The following EIF3H variants were observed in gnomAD, a reference collection of about 807,000 sequenced individuals.
The protein encoded by EIF3H is eukaryotic translation initiation factor 3 subunit H.
In EIF3H, 26 loss-of-function variants were observed where a neutral mutation model predicts 44.2. The ratio of observed to expected loss-of-function variants is 0.59; its 90% confidence interval spans 0.43 to 0.82. The LOEUF is 0.82. Among genes scored for constraint, EIF3H ranks in the 40% least tolerant of loss-of-function variants. EIF3H has a pLI of 0.00. For synonymous variants in EIF3H, 166 were observed against 151.9 expected (o/e 1.09, Z -0.68); for missense variants, 359 against 432.8 (o/e 0.83, Z 1.51).
At chr8:116,680,913 G>A (rs1813976974) in intron 2 of EIF3H, among the ~76,000 whole-genome samples, 1 of 151,554 alleles carries the variant, frequency 6.6e-6, no homozygotes, top group African/African-American at 2.4e-5. Flanking sequence ...GCATGTCTGG[G>A]TGCTCTGTTG....
intron 1 of EIF3H, among the ~76,000 whole-genome samples, chr8:116,736,958 G>C (rs1397395623): frequency 1.3e-5 from 2 of 152,140 alleles, no homozygotes; most frequent in African/African-American, 4.8e-5. Flanking sequence ...AAAGTATACT[G>C]CTTAGAATTT....
intron 2 of EIF3H, among the ~76,000 whole-genome samples, chr8:116,667,818 T>C (rs1239806775): frequency 6.6e-6 from 1 of 152,196 alleles, no homozygotes; most frequent in Non-Finnish European, 1.5e-5. Context: ...TTCAATAAGG[T>C]TGCCCAATGA....
At chr8:116,665,988 T>G (rs1299920047) in intron 2 of EIF3H, among the ~76,000 whole-genome samples, 2 of 152,194 alleles carry the variant, frequency 1.3e-5, no homozygotes, top group Non-Finnish European at 2.9e-5. Context: ...GTACCACATA[T>G]TCCTCTCGTT....
chr8:116,737,262 C>T (rs1409002048), intron 1 of EIF3H: 1 of 448,814 alleles, frequency 2.2e-6, no homozygotes, highest in Non-Finnish European at 4.4e-6. Flanking sequence ...GCAATATTTT[C>T]TATCTACGTA....
chr8:116,741,760 A>G (rs535631011), intron 1 of EIF3H, among the ~76,000 whole-genome samples: 4 of 152,242 alleles, frequency 2.6e-5, no homozygotes, highest in Admixed American at 6.5e-5. Context: ...CCTTTAGCAT[A>G]TTCTGCAAAG....
chr8:116,732,665 AT>A (rs1420856658), intron 1 of EIF3H, among the ~76,000 whole-genome samples: 1 of 151,838 alleles, frequency 6.6e-6, no homozygotes, highest in Admixed American at 6.6e-5. Flanking sequence ...TCATTCATTC[AT>A]TCATTCATTC....
chr8:116,734,315 G>A (rs1015360718), intron 1 of EIF3H: 3 of 456,048 alleles, frequency 6.6e-6, no homozygotes, highest in Non-Finnish European at 1.3e-5. Context: ...GAGGATACCT[G>A]ACCAGAGAAC....
intron 1 of EIF3H, chr8:116,734,157 C>A: frequency 2.5e-6 from 1 of 401,482 alleles, no homozygotes; most frequent in South Asian, 1.8e-5. Flanking sequence ...GTCCAAGATC[C>A]TCACACTTTA....
At chr8:116,683,781 T>C (rs1814029764) in intron 2 of EIF3H, among the ~76,000 whole-genome samples, 1 of 152,242 alleles carries the variant, frequency 6.6e-6, no homozygotes, top group Admixed American at 6.5e-5. Context: ...TGCTATTTTA[T>C]AAATGCTAAA....
intron 2 of EIF3H, among the ~76,000 whole-genome samples, chr8:116,674,514 CT>C (rs1198881930): frequency 6.6e-6 from 1 of 152,174 alleles, no homozygotes; most frequent in Non-Finnish European, 1.5e-5. Flanking sequence ...TAGAAAGTCT[CT>C]TCCCTTGAAT....
At position 116,657,344 on chromosome 8, in the gene EIF3H, A is replaced by G. The variant is rs201983450; in HGVS notation, c.458-30T>C. Reference sequence around the variant, plus strand: ...AACAAGGAAAGAGAAATAAATTACTAAGAATTTTGTCACTGCCAGGCTTGA... The same window carrying G: ...AACAAGGAAAGAGAAATAAATTACTGAGAATTTTGTCACTGCCAGGCTTGA... On this transcript the variant is annotated intron_variant, in intron 3 of 7. Coordinates refer to ENST00000521861, the MANE Select transcript of EIF3H (RefSeq NM_003756.3). The G allele has an allele frequency of 4.7e-5, 74 of 1,557,956 alleles. No homozygotes were observed. In the Middle Eastern group the frequency reaches 3.4e-3, roughly 71 times the overall value.
intron 2 of EIF3H, among the ~76,000 whole-genome samples, chr8:116,674,670 G>C (rs893149442): frequency 6.6e-6 from 1 of 152,132 alleles, no homozygotes; most frequent in African/African-American, 2.4e-5. Flanking sequence ...AAGTGCTTTT[G>C]TGTATTGTAT....
rs1237306001 is a variant in EIF3H, at chr8:116,642,727, T to G, written c.*2279A>C. 6.6e-6 allele frequency: 1 copy of G among 152,204 alleles called. No homozygotes were observed. The highest frequency in any genetic ancestry group is 1.5e-5 in the Non-Finnish European group (1 of 68,036). 9.4% of individuals were successfully genotyped at this position (152,204 alleles called of 1,614,324 possible). ...AAATATTTATAGAAGATGAATCACATGTATTTGTTCCTGAAAAATGTCAGA... is the reference window on the plus strand; with the variant it reads ...AAATATTTATAGAAGATGAATCACAGGTATTTGTTCCTGAAAAATGTCAGA... On this transcript the variant is annotated 3_prime_UTR_variant, in exon 8 of 8. Coordinates refer to ENST00000521861, the MANE Select transcript of EIF3H (RefSeq NM_003756.3).
chr8:116,680,907 G>A (rs1032743304), intron 2 of EIF3H, among the ~76,000 whole-genome samples: 29 of 151,654 alleles, frequency 1.9e-4, no homozygotes, highest in Non-Finnish European at 3.4e-4. Context: ...TATTGCGCAT[G>A]TCTGGGTGCT....
chr8:116,730,468 ACTGT>A (rs1218528931), intron 1 of EIF3H, among the ~76,000 whole-genome samples: 1 of 152,276 alleles, frequency 6.6e-6, no homozygotes, highest in Admixed American at 6.5e-5. Flanking sequence ...ACGTGGAAAA[ACTGT>A]CTTTCACGAA....
chr8:116,736,971 C>G (rs1485264001), intron 1 of EIF3H, among the ~76,000 whole-genome samples: 2 of 152,140 alleles, frequency 1.3e-5, no homozygotes. Context: ...TAGAATTTTG[C>G]TGTTTACAGT....
chr8:116,708,918 G>C (rs572001484), intron 2 of EIF3H, among the ~76,000 whole-genome samples: 37 of 151,330 alleles, frequency 2.4e-4, no homozygotes, highest in African/African-American at 8.7e-4. Flanking sequence ...TGTTGAACAG[G>C]TTTTCTAGTT....
rs911955728 is a variant in EIF3H, at chr8:116,674,292, G to A, written c.290-15312C>T. Among the ~76,000 whole-genome samples, 4 of 109,200 alleles carry A rather than the reference G, an allele frequency of 3.7e-5. No individual in the cohort carries two copies. In the South Asian group the frequency reaches 1.3e-3, roughly 36 times the overall value. The allele number at this position is 109,200 out of a possible 152,430, so 71.6% of individuals were successfully genotyped here. A position where few individuals can be genotyped will look rare whatever the true frequency, so the allele number is the denominator to read the frequency against. ...TGCATCCCAATTTCATAGAGTTCAG[G>A]TGCAAAAAAAGAGGCCTGGGGGTGG... is the stretch of plus-strand genomic sequence containing the variant. On this transcript the variant is annotated intron_variant, in intron 2 of 7. Coordinates refer to ENST00000521861, the MANE Select transcript of EIF3H (RefSeq NM_003756.3).
intron 1 of EIF3H, among the ~76,000 whole-genome samples, chr8:116,765,339 T>C (rs1815560329): frequency 6.6e-6 from 1 of 152,214 alleles, no homozygotes; most frequent in Non-Finnish European, 1.5e-5. Flanking sequence ...CTTATTCCAA[T>C]TTCATAAACC....
Sources: gnomAD v4.1 joint callset for allele counts (sites outside exome capture counted in the v4.1 genomes callset) on GRCh38, gnomAD v4.1.1 for gene constraint, MANE v1.5 for transcripts, NCBI Gene and HGNC (gene_info 2026-07-23, HGNC 2026-07-21) for gene names.